Variants in DPP10 observed in about 807,000 individuals in gnomAD.
The protein encoded by DPP10 is dipeptidyl peptidase like 10.
A neutral mutation model predicts 120.9 loss-of-function variants in DPP10; 33 were observed. The observed-to-expected ratio is 0.27, with a 90% CI of 0.21 to 0.37. The LOEUF (loss-of-function observed/expected upper bound fraction) is 0.37, where lower values mean the gene tolerates loss of function less well. Ranked by LOEUF, DPP10 falls within the 10% of genes least tolerant of loss-of-function variation. The probability of loss-of-function intolerance (pLI) is 1.00; values close to 1 mark genes in which losing one functional copy is unlikely to be tolerated. For synonymous variants in DPP10, 337 were observed against 326.1 expected, an observed-to-expected ratio of 1.03 and a Z score of -0.36; for missense variants, 816 against 942.8, an observed-to-expected ratio of 0.87 and a Z score of 1.76.
chr2:115,139,531 T>C (rs954792755), intron 1 of DPP10, among the ~76,000 whole-genome samples: 3 of 151,656 alleles, frequency 2.0e-5, no homozygotes, highest in African/African-American at 7.3e-5. Context: ...ACCATAACCA[T>C]CCAGAAAGAT....
At chr2:114,621,784 A>G (rs938835824) in intron 1 of DPP10, among the ~76,000 whole-genome samples, 1 of 151,648 alleles carries the variant, frequency 6.6e-6, no homozygotes, top group South Asian at 2.1e-4. Context: ...TTAGTTAACC[A>G]TTCCAATATT....
chr2:115,423,675 G>A (rs564631572), intron 3 of DPP10, among the ~76,000 whole-genome samples: 1 of 152,166 alleles, frequency 6.6e-6, no homozygotes, highest in South Asian at 2.1e-4. Context: ...TATAAAAGGA[G>A]CATTTAATGA....
intron 3 of DPP10, among the ~76,000 whole-genome samples, chr2:115,436,326 A>G (rs1014822684): frequency 2.0e-5 from 3 of 151,818 alleles, no homozygotes; most frequent in Admixed American, 6.6e-5. Context: ...GTCTCTACAA[A>G]TTTAATTGTA....
In DPP10 at chr2:115,343,715, T is replaced by C. The variant is rs2063560788; in HGVS notation, c.176-102T>C. The C allele has an allele frequency of 6.0e-6, 4 of 670,680 alleles. No individual in the cohort carries two copies. In the Admixed American group the frequency reaches 1.1e-4, roughly 18 times the overall value. The allele number at this position is 670,680 out of a possible 1,614,324, so 41.5% of individuals were successfully genotyped here. On this transcript the variant is annotated intron_variant, in intron 2 of 25. Transcript: ENST00000410059. ...AAAATGGTCACTTTATATTGTTATG[T>C]AGTTAATATATTTTAGAGCAAATAT...
At chr2:115,483,143 T>C (rs1234975433) in intron 3 of DPP10, among the ~76,000 whole-genome samples, 1 of 152,054 alleles carries the variant, frequency 6.6e-6, no homozygotes, top group African/African-American at 2.4e-5. Context: ...TACTAAATCA[T>C]GGTAGTTACG....
At chr2:115,147,325 C>T (rs2051283171) in intron 1 of DPP10, among the ~76,000 whole-genome samples, 1 of 151,916 alleles carries the variant, frequency 6.6e-6, no homozygotes, top group Admixed American at 6.6e-5. Context: ...AATAAACAGA[C>T]ATGTTTTTGT....
chr2:114,817,107 G>C (rs1432621574), intron 1 of DPP10, among the ~76,000 whole-genome samples: 1 of 152,140 alleles, frequency 6.6e-6, no homozygotes, highest in Non-Finnish European at 1.5e-5. Flanking sequence ...CTTTTAATAA[G>C]ACCAGCCATT....
At chr2:115,692,314 A>G (rs1421093149) in intron 7 of DPP10, among the ~76,000 whole-genome samples, 1 of 151,904 alleles carries the variant, frequency 6.6e-6, no homozygotes, top group African/African-American at 2.4e-5. Flanking sequence ...ATAATTTTAT[A>G]TATGTTCTAT....
intron 1 of DPP10, among the ~76,000 whole-genome samples, chr2:115,185,656 A>G (rs895230889): frequency 6.6e-6 from 1 of 152,220 alleles, no homozygotes; most frequent in Non-Finnish European, 1.5e-5. Context: ...ATATTTTAGG[A>G]TAATGATTAA....
intron 2 of DPP10, among the ~76,000 whole-genome samples, chr2:115,321,301 CAAAA>C (rs1166728595): frequency 6.6e-5 from 10 of 152,042 alleles, no homozygotes; most frequent in Admixed American, 4.6e-4. Flanking sequence ...AACCCCATCT[CAAAA>C]GAAAGAAAGA....
chr2:115,310,862 C>T (rs566581955), intron 2 of DPP10, among the ~76,000 whole-genome samples: 2 of 152,250 alleles, frequency 1.3e-5, no homozygotes, highest in South Asian at 2.1e-4. Flanking sequence ...TGTCATAATC[C>T]CTGTGTATTT....
At chr2:114,528,902 G>A (rs1391658648) in intron 1 of DPP10, among the ~76,000 whole-genome samples, 1 of 151,914 alleles carries the variant, frequency 6.6e-6, no homozygotes, top group African/African-American at 2.4e-5. Context: ...TGGACAATGG[G>A]AGGAACTGAC....
chr2:115,383,902 G>T (rs978730746), intron 3 of DPP10, among the ~76,000 whole-genome samples: 7 of 152,080 alleles, frequency 4.6e-5, no homozygotes, highest in African/African-American at 1.7e-4. Context: ...AAAGACTGCT[G>T]TATCTTTTTA....
At chr2:115,294,069 A>T (rs948910528) in intron 1 of DPP10, among the ~76,000 whole-genome samples, 2 of 152,106 alleles carry the variant, frequency 1.3e-5, no homozygotes, top group African/African-American at 4.8e-5. Flanking sequence ...ATATTTATTG[A>T]TTAAAGATCT....
chr2:115,737,327 G>A (rs1486240592), intron 8 of DPP10, among the ~76,000 whole-genome samples: 1 of 152,078 alleles, frequency 6.6e-6, no homozygotes, highest in Non-Finnish European at 1.5e-5. Flanking sequence ...CAGTTCTATG[G>A]TCAGTGGATC....
chr2:115,106,670 C>A (rs970874787), intron 1 of DPP10, among the ~76,000 whole-genome samples: 2 of 152,046 alleles, frequency 1.3e-5, no homozygotes, highest in Non-Finnish European at 2.9e-5. Context: ...GCCTTGTTGC[C>A]CAGGTCTGAT....
chr2:115,477,712 A>G (rs1035064960), intron 3 of DPP10, among the ~76,000 whole-genome samples: 3 of 152,178 alleles, frequency 2.0e-5, no homozygotes, highest in African/African-American at 7.2e-5. Flanking sequence ...ATATAGAATA[A>G]CAAAGCATTG....
At chr2:114,783,116 A>G (rs1240383262) in intron 1 of DPP10, among the ~76,000 whole-genome samples, 1 of 152,198 alleles carries the variant, frequency 6.6e-6, no homozygotes, top group Non-Finnish European at 1.5e-5. Flanking sequence ...GGGTTTAAAG[A>G]TATGTAATGA....
chr2:115,317,170 A>C (rs897085497), intron 2 of DPP10, among the ~76,000 whole-genome samples: 1 of 152,006 alleles, frequency 6.6e-6, no homozygotes, highest in African/African-American at 2.4e-5. Flanking sequence ...GTTGCTCCTC[A>C]TATCCCACCT....
Sources: gnomAD v4.1 joint callset for allele counts (sites outside exome capture counted in the v4.1 genomes callset) on GRCh38, gnomAD v4.1.1 for gene constraint, MANE v1.5 for transcripts, NCBI Gene and HGNC (gene_info 2026-07-23, HGNC 2026-07-21) for gene names.